Variants in AGPAT5 observed in about 807,000 individuals in gnomAD.
The protein encoded by AGPAT5 is 1-acylglycerol-3-phosphate O-acyltransferase 5.
AGPAT5 carries 46 observed loss-of-function variants against 45.6 expected under a neutral mutation model. That is an observed-to-expected ratio of 1.01 (90% CI 0.80 to 1.29). The LOEUF (loss-of-function observed/expected upper bound fraction) is 1.29. Among genes scored for constraint, AGPAT5 ranks in the 50% most tolerant of loss-of-function variants. AGPAT5 has a pLI of 0.00. For missense variants in AGPAT5, 673 were observed against 450.7 expected (o/e 1.49, Z -4.47); for synonymous variants, 272 against 167.0 (o/e 1.63, Z -4.85).
chr8:6,752,427 A>G (rs1299574620), intron 6 of AGPAT5, among the ~76,000 whole-genome samples: 1 of 152,110 alleles, frequency 6.6e-6, no homozygotes, highest in African/African-American at 2.4e-5. Flanking sequence ...TGTGTGTTAT[A>G]AACAGCTGTA....
At chr8:6,709,148 A>G in intron 1 of AGPAT5, 1 of 557,182 alleles carries the variant, frequency 1.8e-6, no homozygotes, top group Middle Eastern at 2.7e-4. Context: ...CCTGGGTCTG[A>G]TGCTGCTTAG....
intron 4 of AGPAT5, among the ~76,000 whole-genome samples, chr8:6,735,999 G>A (rs556222564): frequency 5.2e-4 from 79 of 151,936 alleles, no homozygotes; most frequent in East Asian, 1.9e-3. Context: ...GATTACAGGC[G>A]TGCACCGCCA....
chr8:6,735,437 G>T (rs895486173), intron 4 of AGPAT5, among the ~76,000 whole-genome samples: 1 of 152,194 alleles, frequency 6.6e-6, no homozygotes, highest in African/African-American at 2.4e-5. Context: ...CATTCTCCTT[G>T]TGTCTGTAGC....
At chr8:6,716,301 G>A (rs1800326888) in intron 1 of AGPAT5, among the ~76,000 whole-genome samples, 1 of 152,144 alleles carries the variant, frequency 6.6e-6, no homozygotes, top group African/African-American at 2.4e-5. Context: ...GCTCATGCCT[G>A]TAATCCCAGC....
chr8:6,742,873 C>G (rs74722219), intron 5 of AGPAT5, among the ~76,000 whole-genome samples: 4,184 of 152,280 alleles, frequency 0.027, 133 homozygotes, highest in African/African-American at 0.071. Flanking sequence ...TGCCAGCTCT[C>G]TTTTGACTTT....
intron 1 of AGPAT5, among the ~76,000 whole-genome samples, chr8:6,715,756 T>C (rs903401331): frequency 1.3e-5 from 2 of 152,212 alleles, no homozygotes; most frequent in Non-Finnish European, 2.9e-5. Flanking sequence ...TAGAGACGTG[T>C]TTATTAACTT....
chr8:6,745,434 C>G (rs140251358), intron 5 of AGPAT5, among the ~76,000 whole-genome samples: 36 of 152,268 alleles, frequency 2.4e-4, no homozygotes, highest in African/African-American at 7.9e-4. Context: ...GAAATGAATC[C>G]CACTTCTCAC....
intron 6 of AGPAT5, among the ~76,000 whole-genome samples, chr8:6,748,066 C>G (rs1291901239): frequency 2.0e-5 from 3 of 152,110 alleles, no homozygotes; most frequent in African/African-American, 7.2e-5. Context: ...ATTAATCCAG[C>G]CTCTTTCTAC....
rs530059143 is a variant in AGPAT5, at chr8:6,727,388, C to CT, written c.289+2460dup. On this transcript the variant is annotated intron_variant, in intron 2 of 7. Transcript: ENST00000285518. ...CTATCTACTTTTGACAACACTTTGC[C>CT]TTTTTTTTTTTGAGATGGAGTTTCA... Among the ~76,000 whole-genome samples the CT allele has an allele frequency of 7.3e-3, 1,064 of 146,142 alleles. 13 individuals are homozygous for CT. The highest frequency in any genetic ancestry group is 0.068 in the South Asian group (312 of 4,588).
At chr8:6,745,655 C>T (rs1801419727) in intron 5 of AGPAT5, 1 of 151,928 alleles carries the variant, frequency 6.6e-6, no homozygotes, top group Non-Finnish European at 1.5e-5. Flanking sequence ...TTTTGTATTA[C>T]ATTGGTTTCC....
intron 2 of AGPAT5, among the ~76,000 whole-genome samples, chr8:6,728,627 C>A (rs769669710): frequency 2.7e-4 from 41 of 152,060 alleles, no homozygotes; most frequent in African/African-American, 8.5e-4. Flanking sequence ...TAAAATTCTT[C>A]CAAATAAAAA....
intron 4 of AGPAT5, among the ~76,000 whole-genome samples, chr8:6,741,140 A>G (rs1422927693): frequency 1.3e-5 from 2 of 152,142 alleles, no homozygotes; most frequent in African/African-American, 4.8e-5. Flanking sequence ...AAAATGCACT[A>G]AAGGAGCTGT....
At position 6,743,432 on chromosome 8, in the gene AGPAT5, A is replaced by T. The variant is rs545556763; in HGVS notation, c.586+1681A>T. On this transcript the variant is annotated intron_variant, in intron 5 of 7. Transcript: ENST00000285518. ...TCAAACTCAGCATATTGAAGATAGA[A>T]TTTATCCTTCCATGCATACACTCAT... Among the ~76,000 whole-genome samples the T allele has an allele frequency of 2.6e-5, 4 of 152,342 alleles. No individual in the cohort carries two copies. The South Asian group carries it at 8.3e-4, about 32-fold the overall frequency.
intron 1 of AGPAT5, among the ~76,000 whole-genome samples, chr8:6,713,727 T>TC (rs1179897108): frequency 6.6e-6 from 1 of 151,146 alleles, no homozygotes; most frequent in African/African-American, 2.4e-5. Flanking sequence ...CTAATTTTTT[T>TC]TTTGGTATTT....
intron 5 of AGPAT5, among the ~76,000 whole-genome samples, chr8:6,742,997 ACT>A (rs1801287606): frequency 6.6e-6 from 1 of 151,786 alleles, no homozygotes; most frequent in Non-Finnish European, 1.5e-5. Flanking sequence ...AACAAAAACC[ACT>A]CTCGAATCTG....
Position 6,757,388 on chromosome 8 carries a change from G to A in AGPAT5, c.1095G>A (p.Ter365=), listed in dbSNP as rs2116973760. The A allele has an allele frequency of 6.2e-7, 1 of 1,613,178 alleles. No homozygotes were observed. Among genetic ancestry groups the A allele is most frequent in the Non-Finnish European group, 8.5e-7 (1 of 1,179,206 alleles). Residue 365 remains the stop codon, a stop_retained_variant, in exon 8 of 8, where the codon TAG becomes TAA. Coordinates refer to ENST00000285518, the MANE Select transcript of AGPAT5 (RefSeq NM_018361.5). Reference sequence around the variant, plus strand: ...GCCTGTGGGTTACTATTAAAGCATAGACAAGTAGCTGTCTCCAGACAGTGG... The same window carrying A: ...GCCTGTGGGTTACTATTAAAGCATAAACAAGTAGCTGTCTCCAGACAGTGG... ...LGCLWVTIKA[*]
At chr8:6,757,119 T>C (rs750487728) in intron 7 of AGPAT5, 44 bp from the exon 8 acceptor site, 2 of 1,469,914 alleles carry the variant, frequency 1.4e-6, no homozygotes, top group Admixed American at 3.6e-5. Context: ...TGAATTGAAA[T>C]ACTGAAGTGA....
intron 1 of AGPAT5, among the ~76,000 whole-genome samples, chr8:6,713,403 A>G (rs942966900): frequency 3.3e-5 from 5 of 152,234 alleles, no homozygotes; most frequent in Admixed American, 6.5e-5. Flanking sequence ...ATGTAATATA[A>G]CAATAAAATG....
intron 4 of AGPAT5, among the ~76,000 whole-genome samples, chr8:6,739,005 G>T (rs1002208112): frequency 3.3e-5 from 5 of 151,968 alleles, no homozygotes; most frequent in African/African-American, 1.2e-4. Context: ...TATGGTGTAA[G>T]ATCGAAGTTC....
Sources: allele counts gnomAD v4.1 joint callset (sites outside exome capture counted in the v4.1 genomes callset), GRCh38; gene constraint gnomAD v4.1.1; transcripts MANE v1.5; gene names NCBI Gene and HGNC (gene_info 2026-07-23, HGNC 2026-07-21).